MALRD1: variants seen among roughly 807,000 people sequenced by gnomAD.
MALRD1 encodes the protein MAM and LDL-receptor class A domain-containing protein 1.
MALRD1 carries 247 observed loss-of-function variants against 242.1 expected under a neutral mutation model. The observed-to-expected ratio is 1.02, with a 90% CI of 0.92 to 1.13. The LOEUF is 1.13. Among genes scored for constraint, MALRD1 ranks in the 50% most tolerant of loss-of-function variants. MALRD1 has a pLI of 0.00. For synonymous variants in MALRD1, 995 were observed against 866.6 expected (o/e 1.15, Z -2.60); for missense variants, 2,989 against 2,533.1 (o/e 1.18, Z -3.86).
At chr10:19,443,396 C>A (rs188512884) in intron 28 of MALRD1, among the ~76,000 whole-genome samples, 68 of 152,220 alleles carry the variant, frequency 4.5e-4, no homozygotes, top group African/African-American at 1.5e-3. Context: ...TTCTTTAGTT[C>A]TTTTAATTGC....
intron 38 of MALRD1, among the ~76,000 whole-genome samples, chr10:19,705,482 T>C (rs1833819620): frequency 6.6e-6 from 1 of 152,136 alleles, no homozygotes. Context: ...TTCTCACAGT[T>C]TGAGATCCAC....
chr10:19,066,655 A>C (rs961358310), intron 1 of MALRD1, 64 bp from the exon 2 acceptor site: 2 of 1,151,256 alleles, frequency 1.7e-6, no homozygotes, highest in African/African-American at 3.2e-5. Context: ...TTTTTCTGCT[A>C]TTGTCTTATT....
chr10:19,324,375 A>G (rs1843029292), intron 22 of MALRD1, among the ~76,000 whole-genome samples: 1 of 152,144 alleles, frequency 6.6e-6, no homozygotes, highest in South Asian at 2.1e-4. Flanking sequence ...AAACATATGC[A>G]GGTATCAGTA....
intron 36 of MALRD1, among the ~76,000 whole-genome samples, chr10:19,673,075 C>A (rs532329235): frequency 5.3e-5 from 8 of 152,192 alleles, no homozygotes; most frequent in African/African-American, 1.9e-4. Flanking sequence ...AGGTCCTCTG[C>A]TTTTTATACA....
intron 32 of MALRD1, among the ~76,000 whole-genome samples, chr10:19,550,958 A>G (rs1835445161): frequency 6.6e-6 from 1 of 152,086 alleles, no homozygotes; most frequent in Non-Finnish European, 1.5e-5. Context: ...CTTTTTCTCC[A>G]CAACCTTGCC....
chr10:19,146,711 G>C lies in MALRD1; in HGVS notation c.1558+367G>C, dbSNP rs190903561. ...GAAAAATAGTCTAATCTTGTTTCTG[G>C]GAACTGAGAACAGAGATTTAGCACT... On this transcript the variant is annotated intron_variant, in intron 11 of 39. Transcript: ENST00000454679. Among the ~76,000 whole-genome samples the C allele has an allele frequency of 1.8e-3, 281 of 152,170 alleles. 2 individuals are homozygous for C. The highest frequency in any genetic ancestry group is 6.4e-3 in the African/African-American group (266 of 41,502).
At chr10:19,145,013 C>G (rs1833681007) in intron 10 of MALRD1, among the ~76,000 whole-genome samples, 1 of 151,918 alleles carries the variant, frequency 6.6e-6, no homozygotes, top group African/African-American at 2.4e-5. Flanking sequence ...ACTGCCTCAG[C>G]ATAAAGAGGA....
At chr10:19,132,167 C>A (rs1200007235) in intron 8 of MALRD1, among the ~76,000 whole-genome samples, 1 of 152,132 alleles carries the variant, frequency 6.6e-6, no homozygotes, top group East Asian at 1.9e-4. Context: ...AATAAGAGCA[C>A]AATAGCTCTA....
Position 19,438,302 on chromosome 10 carries a change from A to G in MALRD1, c.4846-12005A>G, listed in dbSNP as rs1004866946. On this transcript the variant is annotated intron_variant, in intron 28 of 39. Transcript: ENST00000454679. ...ATAAAAATGTCCTCAAAGTACACAC[A>G]TGTTGTAACATGTGTCAGAATTGGC... Among the ~76,000 whole-genome samples, 52 of 152,290 alleles carry G rather than the reference A, an allele frequency of 3.4e-4. 1 individual carries two copies. The highest frequency in any genetic ancestry group is 2.1e-4 in the South Asian group (1 of 4,826).
At chr10:19,542,739 A>G (rs1415454270) in intron 32 of MALRD1, among the ~76,000 whole-genome samples, 3 of 152,268 alleles carry the variant, frequency 2.0e-5, no homozygotes, top group Non-Finnish European at 1.5e-5. Context: ...ACAGAGAGAA[A>G]CCATAATCTT....
At position 19,064,769 on chromosome 10, in the gene MALRD1, C is replaced by CAAA. The variant is rs147678284; in HGVS notation, c.200-1930_200-1928dup. On this transcript the variant is annotated intron_variant, in intron 1 of 39. Coordinates refer to ENST00000454679, the MANE Select transcript of MALRD1 (RefSeq NM_001142308.3). ...TGGGCGACAGAAAGAAACTCTGTCT[C>CAAA]AAAAAAAAAAAAAAAAAAAAAATTG... Among the ~76,000 whole-genome samples, 11 of 63,176 alleles carry CAAA rather than the reference C, an allele frequency of 1.7e-4. 1 individual carries two copies. The highest frequency in any genetic ancestry group is 1.0e-3 in the South Asian group (2 of 1,940). 41.4% of individuals were successfully genotyped at this position (63,176 alleles called of 152,430 possible). A position where few individuals can be genotyped will look rare whatever the true frequency, so the allele number is the denominator to read the frequency against.
intron 34 of MALRD1, chr10:19,598,436 A>C (rs1838207664): frequency 6.6e-6 from 1 of 151,878 alleles, no homozygotes; most frequent in Non-Finnish European, 1.5e-5. Flanking sequence ...TCCAGAAAGT[A>C]AAAGGGAGAG....
At chr10:19,305,975 T>A (rs1842156672) in intron 21 of MALRD1, among the ~76,000 whole-genome samples, 1 of 126,130 alleles carries the variant, frequency 7.9e-6, no homozygotes, top group Non-Finnish European at 1.6e-5. Flanking sequence ...TATACTATGC[T>A]ATATATTATA....
At chr10:19,108,386 TC>T (rs1386453473) in intron 5 of MALRD1, among the ~76,000 whole-genome samples, 1 of 49,334 alleles carries the variant, frequency 2.0e-5, no homozygotes, top group African/African-American at 1.4e-4. Context: ...AATTGTTTTT[TC>T]TTTTTTTTTT....
At chr10:19,537,376 T>C (rs1400262701) in intron 32 of MALRD1, among the ~76,000 whole-genome samples, 2 of 152,072 alleles carry the variant, frequency 1.3e-5, no homozygotes, top group Non-Finnish European at 2.9e-5. Flanking sequence ...ACAACATAAA[T>C]TTATTTCTTA....
At chr10:19,381,215 C>A (rs112204048) in intron 26 of MALRD1, among the ~76,000 whole-genome samples, 13,127 of 150,858 alleles carry the variant, frequency 0.087, 749 homozygotes, top group East Asian at 0.16. Context: ...CAATTTCATC[C>A]ATGTCCCTAC....
intron 32 of MALRD1, among the ~76,000 whole-genome samples, chr10:19,536,489 T>C (rs1834680828): frequency 6.6e-6 from 1 of 152,088 alleles, no homozygotes; most frequent in Non-Finnish European, 1.5e-5. Flanking sequence ...ATTCTACATA[T>C]GGTAGGTTGC....
chr10:19,118,481 A>G (rs1468474591), intron 5 of MALRD1, among the ~76,000 whole-genome samples: 1 of 152,172 alleles, frequency 6.6e-6, no homozygotes, highest in Non-Finnish European at 1.5e-5. Flanking sequence ...TTTCTGGTTG[A>G]CCATTGGTTG....
chr10:19,375,534 C>A (rs1169891309), intron 26 of MALRD1, among the ~76,000 whole-genome samples: 4 of 152,078 alleles, frequency 2.6e-5, no homozygotes, highest in Admixed American at 2.6e-4. Context: ...GACACACATC[C>A]TCACCATACT....
Sources: gnomAD v4.1 joint callset for allele counts (sites outside exome capture counted in the v4.1 genomes callset) on GRCh38, gnomAD v4.1.1 for gene constraint, MANE v1.5 for transcripts, NCBI Gene and HGNC (gene_info 2026-07-23, HGNC 2026-07-21) for gene names.